Variants in MGAT4C observed in about 807,000 individuals in gnomAD.
MGAT4C encodes MGAT4 family member C, also known as alpha-1,3-mannosyl-glycoprotein 4-beta-N-acetylglucosaminyltransferase C.
Under a neutral mutation model 40.1 loss-of-function variants are expected in MGAT4C, and 19 were observed. The observed-to-expected ratio is 0.47, with a 90% CI of 0.33 to 0.70. The LOEUF is 0.70. Ranked by LOEUF, MGAT4C falls within the 30% of genes least tolerant of loss-of-function variation. The probability of loss-of-function intolerance (pLI) is 0.02; values close to 1 mark genes in which losing one functional copy is unlikely to be tolerated. For missense variants in MGAT4C, 491 were observed against 563.2 expected (o/e 0.87, Z 1.30); for synonymous variants, 181 against 187.1 (o/e 0.97, Z 0.27).
At chr12:85,994,614 T>TCC (rs111683470) in intron 2 of MGAT4C, among the ~76,000 whole-genome samples, 5 of 143,508 alleles carry the variant, frequency 3.5e-5, no homozygotes, top group East Asian at 2.0e-4. Context: ...TTTAAAAAAA[T>TCC]CCCCCCCCAG....
At chr12:86,706,711 G>T (rs1950465840) in intron 2 of MGAT4C, among the ~76,000 whole-genome samples, 1 of 152,036 alleles carries the variant, frequency 6.6e-6, no homozygotes, top group Non-Finnish European at 1.5e-5. Context: ...ATCCCCAAAT[G>T]GCACAAGGGA....
intron 2 of MGAT4C, among the ~76,000 whole-genome samples, chr12:86,682,373 A>G (rs1349430736): frequency 6.6e-6 from 1 of 152,098 alleles, no homozygotes; most frequent in Non-Finnish European, 1.5e-5. Flanking sequence ...GCAGTTTACT[A>G]ATTACACAAT....
chr12:86,216,740 C>T (rs754007379), intron 1 of MGAT4C, among the ~76,000 whole-genome samples: 7 of 152,180 alleles, frequency 4.6e-5, no homozygotes, highest in Non-Finnish European at 8.8e-5. Context: ...TTCAAGTTTA[C>T]ATGACTTGGC....
intron 2 of MGAT4C, among the ~76,000 whole-genome samples, chr12:86,567,077 C>T (rs541506960): frequency 6.6e-6 from 1 of 152,156 alleles, no homozygotes; most frequent in South Asian, 2.1e-4. Flanking sequence ...GGTAACAATA[C>T]TTTGCAGGGC....
In MGAT4C at chr12:85,956,558, A is replaced by G. The variant is rs1185771674; in HGVS notation, c.*22731T>C. The stretch of plus-strand genomic sequence containing the variant: ...ATTTACAGATCATTTTTTGGATTAC[A>G]TTTAGTCTTTAGAAAATATTTGATT... On this transcript the variant is annotated 3_prime_UTR_variant, in exon 5 of 5. Coordinates refer to ENST00000611864, the MANE Select transcript of MGAT4C (RefSeq NM_001351288.2). 1 of 152,194 alleles carries G rather than the reference A, an allele frequency of 6.6e-6. No individual in the cohort carries two copies. Among genetic ancestry groups the G allele is most frequent in the East Asian group, 1.9e-4 (1 of 5,198 alleles). 9.4% of individuals were successfully genotyped at this position (152,194 alleles called of 1,614,324 possible).
In MGAT4C at chr12:86,321,898, A is replaced by T. The variant is rs142077639; in HGVS notation, c.-57+12167T>A. Reference sequence around the variant, plus strand: ...GTATATACCCAAAGGATTACAAATCATACTGCTATAAAGACAAATGCACAC... The same window carrying T: ...GTATATACCCAAAGGATTACAAATCTTACTGCTATAAAGACAAATGCACAC... On this transcript the variant is annotated intron_variant, in intron 4 of 7. Transcript: ENST00000548651. Among the ~76,000 whole-genome samples the T allele has an allele frequency of 3.0e-3, 455 of 152,276 alleles. 2 individuals are homozygous for T. The highest frequency in any genetic ancestry group is 0.01 in the African/African-American group (434 of 41,556).
At chr12:86,139,107 A>C (rs1882459344) in intron 1 of MGAT4C, among the ~76,000 whole-genome samples, 1 of 152,108 alleles carries the variant, frequency 6.6e-6, no homozygotes, top group Non-Finnish European at 1.5e-5. Flanking sequence ...TTTTTCTGAT[A>C]ATTTTCAAAA....
chr12:86,767,860 C>T (rs577843188), intron 1 of MGAT4C, among the ~76,000 whole-genome samples: 3,236 of 152,208 alleles, frequency 0.021, 104 homozygotes, highest in African/African-American at 0.073. Flanking sequence ...ATTGATGGGA[C>T]GTATCTCAAA....
chr12:86,112,584 T>A (rs1378678563), intron 1 of MGAT4C, among the ~76,000 whole-genome samples: 1 of 151,814 alleles, frequency 6.6e-6, no homozygotes, highest in East Asian at 1.9e-4. Context: ...TGGTTTCTAC[T>A]ATATGCTATT....
intron 1 of MGAT4C, among the ~76,000 whole-genome samples, chr12:86,155,617 G>A (rs1387595688): frequency 6.6e-6 from 1 of 152,144 alleles, no homozygotes; most frequent in Admixed American, 6.5e-5. Context: ...AGCAGGTGGA[G>A]TGCATTTGTG....
chr12:85,997,084 A>G (rs1406190425), intron 2 of MGAT4C, among the ~76,000 whole-genome samples: 1 of 152,228 alleles, frequency 6.6e-6, no homozygotes, highest in Non-Finnish European at 1.5e-5. Context: ...ACAGTTCCAC[A>G]TGGCTGAGGA....
intron 2 of MGAT4C, among the ~76,000 whole-genome samples, chr12:86,009,945 T>TA (rs1454901063): frequency 8.5e-5 from 13 of 152,316 alleles, no homozygotes; most frequent in African/African-American, 3.1e-4. Flanking sequence ...TGGTATCACA[T>TA]ATGTCTTGGG....
chr12:86,219,597 C>T (rs1162910291), intron 1 of MGAT4C, among the ~76,000 whole-genome samples: 1 of 152,104 alleles, frequency 6.6e-6, no homozygotes, highest in Non-Finnish European at 1.5e-5. Flanking sequence ...ATTAGTATCC[C>T]CTTATAGGGC....
intron 1 of MGAT4C, among the ~76,000 whole-genome samples, chr12:86,080,873 A>C (rs1180211585): frequency 5.3e-5 from 8 of 152,218 alleles, no homozygotes; most frequent in African/African-American, 1.7e-4. Flanking sequence ...ATTTTTGGGT[A>C]ACAAAATTAA....
At position 86,115,064 on chromosome 12, in the gene MGAT4C, T is replaced by C. The variant is rs146246970; in HGVS notation, c.-56-65341A>G. ...AAGACCTCATGGATATTTTTGGTAG[T>C]AATCTCAAAGATGTGGGTAACAGCT... On this transcript the variant is annotated intron_variant, in intron 1 of 4. Coordinates refer to ENST00000611864, the MANE Select transcript of MGAT4C (RefSeq NM_001351288.2). Among the ~76,000 whole-genome samples the C allele has an allele frequency of 5.2e-3, 785 of 152,108 alleles. 4 individuals carry two copies. The highest frequency in any genetic ancestry group is 0.01 in the Middle Eastern group (3 of 294).
intron 1 of MGAT4C, among the ~76,000 whole-genome samples, chr12:86,753,550 C>T (rs1249752047): frequency 6.6e-6 from 1 of 151,816 alleles, no homozygotes; most frequent in African/African-American, 2.4e-5. Flanking sequence ...CCTCTAGCAC[C>T]ACTGGGTTAG....
At chr12:86,817,456 A>G (rs1306586503) in intron 1 of MGAT4C, among the ~76,000 whole-genome samples, 2 of 151,524 alleles carry the variant, frequency 1.3e-5, no homozygotes, top group Non-Finnish European at 3.0e-5. Context: ...GTATTCTTCT[A>G]CATCTGTTGG....
intron 1 of MGAT4C, among the ~76,000 whole-genome samples, chr12:86,779,300 T>A (rs2136180100): frequency 6.6e-6 from 1 of 152,106 alleles, no homozygotes; most frequent in South Asian, 2.1e-4. Flanking sequence ...TATCTGTCAA[T>A]AGAAATCATC....
At chr12:86,833,115 G>T (rs1369336207) in intron 1 of MGAT4C, among the ~76,000 whole-genome samples, 1 of 151,778 alleles carries the variant, frequency 6.6e-6, no homozygotes, top group Non-Finnish European at 1.5e-5. Context: ...AGACTATCTT[G>T]TGCCATAAAA....
Sources: allele counts gnomAD v4.1 joint callset (sites outside exome capture counted in the v4.1 genomes callset), GRCh38; gene constraint gnomAD v4.1.1; transcripts MANE v1.5; gene names NCBI Gene and HGNC (gene_info 2026-07-23, HGNC 2026-07-21).